Variants in GRIK3 observed in about 807,000 individuals in gnomAD.
The protein encoded by GRIK3 is glutamate receptor ionotropic, kainate 3.
GRIK3 carries 29 observed loss-of-function variants against 102.5 expected under a neutral mutation model. The observed-to-expected ratio is 0.28, with a 90% CI of 0.21 to 0.39. The LOEUF (loss-of-function observed/expected upper bound fraction) is 0.39, where lower values mean the gene tolerates loss of function less well. Among genes scored for constraint, GRIK3 ranks in the 10% least tolerant of loss-of-function variants. The pLI is 1.00. For synonymous variants in GRIK3, 511 were observed against 504.9 expected (o/e 1.01, Z -0.16); for missense variants, 908 against 1,252.4 (o/e 0.73, Z 4.15).
In GRIK3 at chr1:36,805,038, C is replaced by T. The variant is rs1380286998; in HGVS notation, c.2514G>A (p.Val838=). The T allele has an allele frequency of 1.2e-6, 2 of 1,614,074 alleles. No homozygotes were observed. The highest frequency in any genetic ancestry group is 1.3e-5 in the African/African-American group (1 of 74,932). ...GCTTGTACACAAACTCGCCCACGGC[C>T]ACCAGCACAGAGAGGACCAGCCCGG... ...LAAGLVLSVL[V]AVGEFVYKLR... Residue 838 remains valine (V), a synonymous_variant, in exon 15 of 16, where the codon GTG becomes GTA. Transcript: ENST00000373091.
intron 1 of GRIK3, among the ~76,000 whole-genome samples, chr1:37,002,688 T>G (rs1230978056): frequency 1.5e-5 from 2 of 135,102 alleles, no homozygotes; most frequent in African/African-American, 5.8e-5. Flanking sequence ...TTTTTTTTTT[T>G]GAGATTTTGA....
At chr1:36,852,302 T>C (rs534327215) in intron 8 of GRIK3, among the ~76,000 whole-genome samples, 10 of 152,224 alleles carry the variant, frequency 6.6e-5, no homozygotes, top group Admixed American at 1.3e-4. Context: ...TGGCCACAGG[T>C]ACAAGGAGGA....
chr1:36,983,386 C>G (rs1187400179), intron 1 of GRIK3, among the ~76,000 whole-genome samples: 1 of 152,124 alleles, frequency 6.6e-6, no homozygotes, highest in Non-Finnish European at 1.5e-5. Context: ...CACAACGGCA[C>G]ACTCCCACAT....
intron 1 of GRIK3, among the ~76,000 whole-genome samples, chr1:37,032,037 T>C (rs1251497243): frequency 6.6e-6 from 1 of 152,198 alleles, no homozygotes; most frequent in Non-Finnish European, 1.5e-5. Context: ...GCTGACACGC[T>C]AATTAATCCT....
intron 1 of GRIK3, among the ~76,000 whole-genome samples, chr1:36,933,418 A>T (rs1641619113): frequency 1.3e-5 from 2 of 152,250 alleles, no homozygotes; most frequent in South Asian, 4.1e-4. Flanking sequence ...GACATGAAGT[A>T]AACCTAATGG....
At chr1:36,885,805 GT>G (rs2124268141) in intron 2 of GRIK3, among the ~76,000 whole-genome samples, 1 of 152,292 alleles carries the variant, frequency 6.6e-6, no homozygotes, top group Non-Finnish European at 1.5e-5. Context: ...TCACACTGCA[GT>G]AATTACATTA....
intron 1 of GRIK3, among the ~76,000 whole-genome samples, chr1:37,024,018 C>G (rs969621187): frequency 1.6e-4 from 24 of 152,198 alleles, no homozygotes; most frequent in Admixed American, 1.3e-3. Flanking sequence ...AGTTATAGAT[C>G]AGCAGCAATA....
At chr1:36,991,860 C>T (rs1467765931) in intron 1 of GRIK3, among the ~76,000 whole-genome samples, 3 of 152,256 alleles carry the variant, frequency 2.0e-5, no homozygotes, top group Non-Finnish European at 4.4e-5. Context: ...TGCCCTGTAT[C>T]CTGGCATGTC....
chr1:36,865,050 G>A (rs1235187023), intron 5 of GRIK3, among the ~76,000 whole-genome samples: 1 of 152,180 alleles, frequency 6.6e-6, no homozygotes, highest in Admixed American at 6.5e-5. Context: ...GGTCTGAATG[G>A]GTAGGAGCTG....
intron 1 of GRIK3, among the ~76,000 whole-genome samples, chr1:36,940,999 G>A (rs112515214): frequency 0.013 from 1,976 of 152,320 alleles, 44 homozygotes; most frequent in African/African-American, 0.044. Flanking sequence ...TGTTTGCCAT[G>A]TGTATTGGGT....
intron 1 of GRIK3, among the ~76,000 whole-genome samples, chr1:36,972,704 C>CA (rs1338436406): frequency 3.3e-5 from 5 of 152,154 alleles, no homozygotes; most frequent in African/African-American, 1.2e-4. Flanking sequence ...GGAATCTGCC[C>CA]AACAACCATG....
intron 1 of GRIK3, among the ~76,000 whole-genome samples, chr1:36,985,469 C>T (rs1642294631): frequency 6.6e-6 from 1 of 152,134 alleles, no homozygotes; most frequent in South Asian, 2.1e-4. Context: ...TGGAGCTTTC[C>T]TTGATCTCTG....
At chr1:36,904,164 G>T (rs377458828) in intron 1 of GRIK3, among the ~76,000 whole-genome samples, 1 of 152,172 alleles carries the variant, frequency 6.6e-6, no homozygotes, top group Non-Finnish European at 1.5e-5. Context: ...AGAAAAAAGG[G>T]TAATATTTTA....
intron 1 of GRIK3, among the ~76,000 whole-genome samples, chr1:36,984,585 G>A (rs1364085293): frequency 6.6e-6 from 1 of 152,216 alleles, no homozygotes; most frequent in Admixed American, 6.5e-5. Context: ...GTGTCTTTGG[G>A]GCATTAAATG....
intron 1 of GRIK3, among the ~76,000 whole-genome samples, chr1:36,924,492 G>T (rs1641506429): frequency 6.6e-6 from 1 of 152,214 alleles, no homozygotes; most frequent in Non-Finnish European, 1.5e-5. Context: ...CTGTGGAGAG[G>T]GGAGGGGGAG....
intron 4 of GRIK3, among the ~76,000 whole-genome samples, chr1:36,870,221 C>T (rs1006227184): frequency 6.6e-5 from 10 of 152,152 alleles, no homozygotes; most frequent in African/African-American, 2.4e-4. Flanking sequence ...AGAGGCAGTA[C>T]GTTTCCCCCC....
In GRIK3 at chr1:36,933,853, C is replaced by T. The variant is rs1052722964; in HGVS notation, c.116-42757G>A. On this transcript the variant is annotated intron_variant, in intron 1 of 15. Coordinates refer to ENST00000373091, the MANE Select transcript of GRIK3 (RefSeq NM_000831.4). Reference sequence around the variant, plus strand: ...TCCTGGGTGTGTGGCAGGAACCTCACTGCCCTCTCTTCGACCTTCTGCTTT... The same window carrying T: ...TCCTGGGTGTGTGGCAGGAACCTCATTGCCCTCTCTTCGACCTTCTGCTTT... 5.3e-5 allele frequency among the ~76,000 whole-genome samples: 8 copies of T among 152,334 alleles called. No homozygotes were observed. In the East Asian group the frequency reaches 1.5e-3, roughly 29 times the overall value.
chr1:36,951,364 T>G (rs1421093200), intron 1 of GRIK3, among the ~76,000 whole-genome samples: 7 of 152,196 alleles, frequency 4.6e-5, no homozygotes. Flanking sequence ...TGGGCCGAAA[T>G]CTAGGACATG....
At chr1:36,919,029 C>T (rs471710) in intron 1 of GRIK3, among the ~76,000 whole-genome samples, 135,843 of 152,264 alleles carry the variant, frequency 0.89, 60,642 homozygotes, top group East Asian at 0.99. Context: ...TATGAAGAGA[C>T]CTATGAAGGG....
Sources: allele counts gnomAD v4.1 joint callset (sites outside exome capture counted in the v4.1 genomes callset), GRCh38; gene constraint gnomAD v4.1.1; transcripts MANE v1.5; gene names NCBI Gene and HGNC (gene_info 2026-07-23, HGNC 2026-07-21).